Variants in RCAN1 observed in about 807,000 individuals in gnomAD.
RCAN1 encodes the protein regulator of calcineurin 1.
A neutral mutation model predicts 22.9 loss-of-function variants in RCAN1; 11 were observed. The ratio of observed to expected loss-of-function variants is 0.48; its 90% confidence interval spans 0.30 to 0.79. The LOEUF (loss-of-function observed/expected upper bound fraction) is 0.79, where lower values mean the gene tolerates loss of function less well. RCAN1 is among the 30% of genes least tolerant of loss of function. The probability of loss-of-function intolerance (pLI) is 0.06; values close to 1 mark genes in which losing one functional copy is unlikely to be tolerated. For missense variants in RCAN1, 291 were observed against 337.8 expected (o/e 0.86, Z 1.09); for synonymous variants, 136 against 142.3 (o/e 0.96, Z 0.32).
chr21:34,564,770 T>C (rs1601180309), intron 1 of RCAN1, among the ~76,000 whole-genome samples: 1 of 152,308 alleles, frequency 6.6e-6, no homozygotes, highest in East Asian at 1.9e-4. Context: ...GACCTCTGCT[T>C]GTCATCTAAG....
intron 1 of RCAN1, among the ~76,000 whole-genome samples, chr21:34,601,123 A>G (rs1231867066): frequency 6.6e-6 from 1 of 152,246 alleles, no homozygotes; most frequent in East Asian, 1.9e-4. Flanking sequence ...TTTTACTTCC[A>G]CTGATACACA....
chr21:34,613,949 G>A, intron 1 of RCAN1: 1 of 991,714 alleles, frequency 1.0e-6, no homozygotes, highest in African/African-American at 1.7e-5. Context: ...ATTCTGTGAC[G>A]CCCACGTTGT....
chr21:34,572,418 G>A (rs987284527), intron 1 of RCAN1, among the ~76,000 whole-genome samples: 2 of 152,148 alleles, frequency 1.3e-5, no homozygotes, highest in Non-Finnish European at 2.9e-5. Context: ...GGCTGGTGGA[G>A]GTGGCACAGG....
chr21:34,530,756 T>C lies in RCAN1; in HGVS notation c.253-7046A>G, dbSNP rs562219093. Among the ~76,000 whole-genome samples the C allele has an allele frequency of 3.4e-3, 522 of 151,444 alleles. 2 individuals carry two copies. Among genetic ancestry groups the C allele is most frequent in the African/African-American group, 0.012 (501 of 41,320 alleles). On this transcript the variant is annotated intron_variant, in intron 1 of 3. Transcript: ENST00000313806. ...TCTCCTGCCTCAGCCTCCCAAGTAG[T>C]TGGGATTACAGGCGCCTGCCACCAC...
intron 1 of RCAN1, among the ~76,000 whole-genome samples, chr21:34,548,979 G>A (rs1012471744): frequency 3.3e-5 from 5 of 152,146 alleles, no homozygotes; most frequent in South Asian, 2.1e-4. Flanking sequence ...CAAATTGCAC[G>A]GTCAGCAAAC....
chr21:34,525,256 A>G (rs538351557), intron 1 of RCAN1: 3 of 1,550,698 alleles, frequency 1.9e-6, no homozygotes, highest in African/African-American at 1.4e-5. Flanking sequence ...GGTCCCTGCC[A>G]GGCAGGTCGT....
chr21:34,572,425 CA>C (rs1987265726), intron 1 of RCAN1, among the ~76,000 whole-genome samples: 1 of 152,112 alleles, frequency 6.6e-6, no homozygotes, highest in East Asian at 1.9e-4. Context: ...GGAGGTGGCA[CA>C]GGGGGTGACT....
chr21:34,604,048 G>A (rs1988445776), intron 1 of RCAN1, among the ~76,000 whole-genome samples: 1 of 152,192 alleles, frequency 6.6e-6, no homozygotes, highest in South Asian at 2.1e-4. Flanking sequence ...CAGATGTTTT[G>A]AGAAACATTT....
At chr21:34,581,817 A>T (rs1987619987) in intron 1 of RCAN1, among the ~76,000 whole-genome samples, 1 of 152,266 alleles carries the variant, frequency 6.6e-6, no homozygotes, top group African/African-American at 2.4e-5. Flanking sequence ...AGGCAGGCTG[A>T]GAAGCGTGTC....
intron 1 of RCAN1, among the ~76,000 whole-genome samples, chr21:34,580,245 G>A (rs1285927192): frequency 4.6e-5 from 7 of 152,192 alleles, no homozygotes; most frequent in South Asian, 2.1e-4. Flanking sequence ...GACAGAGGCC[G>A]GCCTGCACAG....
chr21:34,534,002 T>C (rs1985552202), intron 1 of RCAN1, among the ~76,000 whole-genome samples: 1 of 152,198 alleles, frequency 6.6e-6, no homozygotes, highest in South Asian at 2.1e-4. Context: ...GAGAGACCTT[T>C]AGCCATTGGA....
intron 1 of RCAN1, among the ~76,000 whole-genome samples, chr21:34,572,717 T>C (rs966632279): frequency 6.6e-6 from 1 of 152,102 alleles, no homozygotes; most frequent in African/African-American, 2.4e-5. Context: ...GACTGGGTAA[T>C]TTATGAAGAA....
intron 1 of RCAN1, among the ~76,000 whole-genome samples, chr21:34,597,027 G>C (rs1988183157): frequency 6.6e-6 from 1 of 152,162 alleles, no homozygotes; most frequent in African/African-American, 2.4e-5. Context: ...TGGGCTCCCA[G>C]TCTCAGTTTC....
Position 34,571,768 on chromosome 21 carries a change from GA to G in RCAN1, c.252+42991del, listed in dbSNP as rs576192564. Among the ~76,000 whole-genome samples the G allele has an allele frequency of 1.1e-4, 16 of 152,180 alleles. 1 individual carries two copies. The South Asian group carries it at 3.3e-3, about 32-fold the overall frequency. On this transcript the variant is annotated intron_variant, in intron 1 of 3. Coordinates refer to ENST00000313806, the MANE Select transcript of RCAN1 (RefSeq NM_004414.7). ...TCAGCATGTTGCTCAGGCTGGTCTC[GA>G]ACTCCTGGGCTCAAGCAACCCTCTC...
At chr21:34,583,890 T>TCA (rs1299235961) in intron 1 of RCAN1, among the ~76,000 whole-genome samples, 4 of 151,600 alleles carry the variant, frequency 2.6e-5, no homozygotes, top group Non-Finnish European at 5.9e-5. Context: ...CCCTCCTATA[T>TCA]CACACACACA....
chr21:34,536,670 C>T (rs569880977), intron 1 of RCAN1, among the ~76,000 whole-genome samples: 21 of 152,228 alleles, frequency 1.4e-4, no homozygotes, highest in Admixed American at 3.9e-4. Context: ...CACACCACGC[C>T]GGCACCTGGT....
intron 1 of RCAN1, among the ~76,000 whole-genome samples, chr21:34,560,539 T>G (rs1986750798): frequency 6.6e-6 from 1 of 152,196 alleles, no homozygotes; most frequent in Non-Finnish European, 1.5e-5. Context: ...GACATCCATT[T>G]CCTGGAAAAC....
At chr21:34,561,975 G>A (rs1228270682) in intron 1 of RCAN1, among the ~76,000 whole-genome samples, 3 of 152,108 alleles carry the variant, frequency 2.0e-5, no homozygotes, top group African/African-American at 7.2e-5. Flanking sequence ...GAAAATCCCT[G>A]GTCATTTATC....
chr21:34,578,121 C>T (rs988210812), intron 1 of RCAN1, among the ~76,000 whole-genome samples: 1 of 146,158 alleles, frequency 6.8e-6, no homozygotes, highest in Non-Finnish European at 1.6e-5. Flanking sequence ...CAGAGGACAA[C>T]CAGCATGAAG....
Sources: allele counts gnomAD v4.1 joint callset (sites outside exome capture counted in the v4.1 genomes callset), GRCh38; gene constraint gnomAD v4.1.1; transcripts MANE v1.5; gene names NCBI Gene and HGNC (gene_info 2026-07-23, HGNC 2026-07-21).